SV2B: variants seen among roughly 807,000 people sequenced by gnomAD.
SV2B encodes solute carrier family 22 member B2.
In SV2B, 41 loss-of-function variants were observed where a neutral mutation model predicts 73.9. The observed-to-expected ratio is 0.56, with a 90% CI of 0.43 to 0.72. SV2B has a LOEUF of 0.72. Among genes scored for constraint, SV2B ranks in the 30% least tolerant of loss-of-function variants. The probability of loss-of-function intolerance (pLI) is 0.00; values close to 1 mark genes in which losing one functional copy is unlikely to be tolerated. For missense variants in SV2B, 764 were observed against 857.8 expected (o/e 0.89, Z 1.37); for synonymous variants, 314 against 314.2 (o/e 1.00, Z 0.01).
chr15:91,278,550 G>A (rs1033390056), intron 9 of SV2B, among the ~76,000 whole-genome samples: 20 of 148,816 alleles, frequency 1.3e-4, no homozygotes, highest in Non-Finnish European at 1.6e-4. Context: ...GCGGTGGCGG[G>A]TGCCTGTAGT....
chr15:91,273,832 T>G (rs1023495862), intron 9 of SV2B, among the ~76,000 whole-genome samples: 7 of 152,204 alleles, frequency 4.6e-5, no homozygotes, highest in Admixed American at 3.3e-4. Context: ...TGATCACCAT[T>G]GTCATAAGTT....
chr15:91,248,866 A>C (rs2047360703), intron 2 of SV2B, among the ~76,000 whole-genome samples: 1 of 152,100 alleles, frequency 6.6e-6, no homozygotes, highest in South Asian at 2.1e-4. Flanking sequence ...GAAAAAATAG[A>C]CTTTTATTGG....
intron 1 of SV2B, among the ~76,000 whole-genome samples, chr15:91,165,266 G>A (rs1294876497): frequency 6.6e-6 from 1 of 152,178 alleles, no homozygotes; most frequent in Non-Finnish European, 1.5e-5. Context: ...AGGTGGTAGA[G>A]GTTGCAGTGA....
rs1331500333 is a variant in SV2B, at chr15:91,300,570, G to C, written c.*8018G>C. ...ATTAACAGGTTTCATTCTCTCCAGTGGGAGGTGGCCTAGACAGGTGCCGGT... is the reference window on the plus strand; with the variant it reads ...ATTAACAGGTTTCATTCTCTCCAGTCGGAGGTGGCCTAGACAGGTGCCGGT... On this transcript the variant is annotated 3_prime_UTR_variant, in exon 13 of 13. Transcript: ENST00000394232. 5 of 152,224 alleles carry C rather than the reference G, an allele frequency of 3.3e-5. No individual in the cohort carries two copies. Among genetic ancestry groups the C allele is most frequent in the African/African-American group, 1.2e-4 (5 of 41,454 alleles). The allele number at this position is 152,224 out of a possible 1,614,324, so 9.4% of individuals were successfully genotyped here. A position where few individuals can be genotyped will look rare whatever the true frequency, so the allele number is the denominator to read the frequency against.
chr15:91,183,826 G>A (rs560590918), intron 1 of SV2B, among the ~76,000 whole-genome samples: 20 of 152,194 alleles, frequency 1.3e-4, no homozygotes, highest in African/African-American at 1.9e-4. Flanking sequence ...GGAGGAAACC[G>A]ACTATTTGCC....
intron 2 of SV2B, among the ~76,000 whole-genome samples, chr15:91,238,625 G>T (rs1322449549): frequency 6.6e-6 from 1 of 152,256 alleles, no homozygotes; most frequent in East Asian, 1.9e-4. Flanking sequence ...CATCTCTGTA[G>T]GCGAGAGAGG....
chr15:91,205,814 G>T (rs1237243375), intron 1 of SV2B, among the ~76,000 whole-genome samples: 1 of 152,128 alleles, frequency 6.6e-6, no homozygotes, highest in Non-Finnish European at 1.5e-5. Context: ...TTTAGTCTAG[G>T]TTTGAATAAA....
Position 91,283,227 on chromosome 15 carries a change from T to C in SV2B, c.1508-794T>C, listed in dbSNP as rs1237152888. Reference sequence around the variant, plus strand: ...CAGAAGACTTGCAAACTGGTTCCAATGCAAATGGCTTTTATTTTTTAAGAA... The same window carrying C: ...CAGAAGACTTGCAAACTGGTTCCAACGCAAATGGCTTTTATTTTTTAAGAA... On this transcript the variant is annotated intron_variant, in intron 10 of 12. Transcript: ENST00000394232. This position sits in a 1 kb window ranked among gnomAD's most constrained non-coding sequence, Gnocchi z 4.3. Among the ~76,000 whole-genome samples the C allele has an allele frequency of 6.6e-6, 1 of 152,228 alleles. No individual in the cohort carries two copies. Among genetic ancestry groups the C allele is most frequent in the African/African-American group, 2.4e-5 (1 of 41,458 alleles).
In SV2B at chr15:91,253,615, T is replaced by C. The variant is rs1472472914; in HGVS notation, c.784+1095T>C. On this transcript the variant is annotated intron_variant, in intron 4 of 12. Coordinates refer to ENST00000394232, the MANE Select transcript of SV2B (RefSeq NM_001323032.3). This position sits in a 1 kb window ranked among gnomAD's most constrained non-coding sequence, Gnocchi z 5.0. ...ATTTCTAATCTGCAGGTGGCTCCGC[T>C]CCATCAGTAATTCTGGAGTTTAGAC... 6.6e-6 allele frequency among the ~76,000 whole-genome samples: 1 copy of C among 152,260 alleles called. No individual in the cohort carries two copies.
Position 91,249,068 on chromosome 15 carries a change from T to TCACATACACACACA in SV2B, c.452-2747_452-2746insTACACACACACACA, listed in dbSNP as rs1290015975. Among the ~76,000 whole-genome samples, 574 of 142,106 alleles carry TCACATACACACACA rather than the reference T, an allele frequency of 4.0e-3. 6 individuals carry two copies. Among genetic ancestry groups the TCACATACACACACA allele is most frequent in the African/African-American group, 0.014 (538 of 37,112 alleles). The allele number at this position is 142,106 out of a possible 152,430, so 93.2% of individuals were successfully genotyped here. A position where few individuals can be genotyped will look rare whatever the true frequency, so the allele number is the denominator to read the frequency against. On this transcript the variant is annotated intron_variant, in intron 2 of 12. Transcript: ENST00000394232. ...TGCATGCATCCATACATCTACGTTT[T>TCACATACACACACA]CACACACACACACACACACACACAC...
chr15:91,162,843 C>T (rs951227372), intron 1 of SV2B, among the ~76,000 whole-genome samples: 6 of 152,140 alleles, frequency 3.9e-5, no homozygotes, highest in Non-Finnish European at 8.8e-5. Flanking sequence ...CATATGTATA[C>T]ATGTGCCATG....
rs750912387 is a variant in SV2B at position 91,292,494 on chromosome 15, T to C, written c.1994T>C (p.Val665Ala). 5 of 1,614,180 alleles carry C rather than the reference T, an allele frequency of 3.1e-6. No individual in the cohort carries two copies. Among genetic ancestry groups the C allele is most frequent in the Non-Finnish European group, 4.2e-6 (5 of 1,180,026 alleles). ...VPILLAAASL[V>A]GGGLIALRLP... ...ATCCTTCTGGCTGCTGCTTCTCTGGTTGGGGGTGGCCTGATTGCCCTTCGA... is the reference window on the plus strand; with the variant it reads ...ATCCTTCTGGCTGCTGCTTCTCTGGCTGGGGGTGGCCTGATTGCCCTTCGA... Residue 665 changes from valine (V) to alanine (A), a missense_variant, in exon 13 of 13, where the codon GTT (valine) becomes GCT (alanine). By Grantham distance (64) the Val-to-Ala change is moderately conservative (BLOSUM62 0). Coordinates refer to ENST00000394232, the MANE Select transcript of SV2B (RefSeq NM_001323032.3).
At chr15:91,286,393 A>G (rs2048861906) in intron 11 of SV2B, among the ~76,000 whole-genome samples, 1 of 152,114 alleles carries the variant, frequency 6.6e-6, no homozygotes, top group African/African-American at 2.4e-5. Flanking sequence ...TTATCAGCGG[A>G]GTAGAAGTTT....
chr15:91,146,911 C>G (rs992350673), intron 1 of SV2B, among the ~76,000 whole-genome samples: 1 of 152,180 alleles, frequency 6.6e-6, no homozygotes, highest in African/African-American at 2.4e-5. Context: ...CTTGTTTGCT[C>G]ATTCATAAAT....
chr15:91,226,376 G>T lies in SV2B; in HGVS notation c.113G>T (p.Gly38Val). The change falls in exon 2 of 13, where the codon GGC (glycine) becomes GTC (valine). Residue 38 changes from glycine (G) to valine (V), a missense_variant. Physicochemically the swap from Gly to Val is moderately radical, Grantham distance 109. Coordinates refer to ENST00000394232, the MANE Select transcript of SV2B (RefSeq NM_001323032.3). ...EEDAQSDVTE[G>V]HDEEDEIYEG... ...GATGCACAGAGTGATGTCACCGAAG[G>T]CCATGATGAGGAAGACGAGATCTAT... is the stretch of plus-strand genomic sequence containing the variant. The T allele has an allele frequency of 6.2e-7, 1 of 1,614,182 alleles. No individual in the cohort carries two copies.
In SV2B at chr15:91,252,055, T is replaced by A; in HGVS notation, c.632+56T>A. ...TCCCAGACCAATGGCCCATCCATTC[T>A]GGTATTCTAGCTCCAAGAGGTAACT... On this transcript the variant is annotated intron_variant, in intron 3 of 12. Coordinates refer to ENST00000394232, the MANE Select transcript of SV2B (RefSeq NM_001323032.3). This position sits in a 1 kb window ranked among gnomAD's most constrained non-coding sequence, Gnocchi z 4.6. 6.3e-7 allele frequency: 1 copy of A among 1,581,762 alleles called. No homozygotes were observed. The highest frequency in any genetic ancestry group is 1.2e-5 in the South Asian group (1 of 86,282).
intron 1 of SV2B, among the ~76,000 whole-genome samples, chr15:91,177,131 C>T (rs2044342577): frequency 6.6e-6 from 1 of 151,116 alleles, no homozygotes; most frequent in Admixed American, 6.6e-5. Flanking sequence ...TTTCCCAGCA[C>T]CATTTATTAA....
chr15:91,175,109 C>T (rs2044255276), intron 1 of SV2B, among the ~76,000 whole-genome samples: 2 of 152,176 alleles, frequency 1.3e-5, no homozygotes, highest in Admixed American at 1.3e-4. Context: ...GAGTAACTTT[C>T]CAACAAAGTG....
rs1423285966 is a variant in SV2B, at chr15:91,141,493, C to T, written c.-392+41130C>T. 6.6e-6 allele frequency among the ~76,000 whole-genome samples: 1 copy of T among 152,192 alleles called. No individual in the cohort carries two copies. The highest frequency in any genetic ancestry group is 1.5e-5 in the Non-Finnish European group (1 of 68,036). On this transcript the variant is annotated intron_variant, in intron 1 of 12. Coordinates refer to ENST00000394232, the MANE Select transcript of SV2B (RefSeq NM_001323032.3). This position sits in a 1 kb window ranked among gnomAD's most constrained non-coding sequence, Gnocchi z 4.6. ...AGAGAGGTTCCGCTTTGAGGGCCAG[C>T]TCTGCCACTTACCATCTGTGAGACT...
Sources: allele counts gnomAD v4.1 joint callset (sites outside exome capture counted in the v4.1 genomes callset), GRCh38; gene constraint gnomAD v4.1.1; non-coding constraint Gnocchi (gnomAD v3.1); transcripts MANE v1.5; gene names NCBI Gene and HGNC (gene_info 2026-07-23, HGNC 2026-07-21).